Variants in TECPR1 observed in about 807,000 individuals in gnomAD.
The protein encoded by TECPR1 is tectonin beta-propeller repeat containing 1, also known as tectonin beta-propeller repeat-containing protein 1.
TECPR1 carries 122 observed loss-of-function variants against 162.4 expected under a neutral mutation model. The observed-to-expected ratio is 0.75, with a 90% confidence interval of 0.65 to 0.87. The LOEUF (loss-of-function observed/expected upper bound fraction) is 0.87, where lower values mean the gene tolerates loss of function less well. TECPR1 is among the 40% of genes least tolerant of loss of function. TECPR1 has a pLI of 0.00. For synonymous variants in TECPR1, 642 were observed against 670.6 expected, an observed-to-expected ratio of 0.96 and a Z score of 0.66; for missense variants, 1,432 against 1,618.2, an observed-to-expected ratio of 0.88 and a Z score of 1.97.
Position 98,231,277 on chromosome 7 carries a change from G to T in TECPR1, c.2071C>A (p.Gln691Lys). The T allele has an allele frequency of 1.9e-6, 3 of 1,613,092 alleles. No individual in the cohort carries two copies. The highest frequency in any genetic ancestry group is 2.5e-6 in the Non-Finnish European group (3 of 1,179,680). Residue 691 changes from glutamine to lysine, a missense_variant, in exon 14 of 26, where the codon CAG becomes AAG. Gln to Lys is a moderately conservative substitution (Grantham distance 53). Transcript: ENST00000447648. ...GCAGCCAGACGCACCGGCCACCTCTGCCGTGTCCGCTCAGGGGTGTACAGG... is the reference window on the plus strand; with the variant it reads ...GCAGCCAGACGCACCGGCCACCTCTTCCGTGTCCGCTCAGGGGTGTACAGG... Reference protein sequence around the residue: ...FALYTPERTRQRWPVRLAAAT... With the variant: ...FALYTPERTRKRWPVRLAAAT...
At chr7:98,234,728 T>G (rs1798547148) in intron 10 of TECPR1, among the ~76,000 whole-genome samples, 1 of 105,418 alleles carries the variant, frequency 9.5e-6, no homozygotes, top group Non-Finnish European at 2.0e-5. Flanking sequence ...TTTTTTTTTT[T>G]GAGATAGAGT....
Position 98,217,286 on chromosome 7 carries a change from C to T in TECPR1, c.*104G>A, listed in dbSNP as rs1798034492. 2 of 791,262 alleles carry T rather than the reference C, an allele frequency of 2.5e-6. No homozygotes were observed. The highest frequency in any genetic ancestry group is 2.9e-5 in the Admixed American group (1 of 34,406). 49.0% of individuals were successfully genotyped at this position (791,262 alleles called of 1,614,324 possible). Reference sequence around the variant, plus strand: ...GGGGCCAGGTTCCCTCCTGAGTCCACCTGGGCCACATTGCTCCCACGGTGC... The same window carrying T: ...GGGGCCAGGTTCCCTCCTGAGTCCATCTGGGCCACATTGCTCCCACGGTGC... On this transcript the variant is annotated 3_prime_UTR_variant, in exon 26 of 26. Coordinates refer to ENST00000447648, the MANE Select transcript of TECPR1 (RefSeq NM_015395.3).
chr7:98,248,119 T>C (rs572167148), intron 2 of TECPR1, among the ~76,000 whole-genome samples: 2 of 152,308 alleles, frequency 1.3e-5, no homozygotes, highest in South Asian at 4.1e-4. Flanking sequence ...CCAGGGCCCA[T>C]AGTGCTGTTG....
Position 98,231,370 on chromosome 7 carries a change from T to A in TECPR1, c.1978A>T (p.Ile660Phe). 1.2e-6 allele frequency: 2 copies of A among 1,600,126 alleles called. No individual in the cohort carries two copies. Among genetic ancestry groups the A allele is most frequent in the Non-Finnish European group, 1.7e-6 (2 of 1,173,586 alleles). ...ACCACCTCATTCAGGAATATGTGGA[T>A]GTACTGTTCACAGAACAGGCGCCCG... ...YYVVHEEKKY[I>F]HIFLNEVVAL... Residue 660 changes from isoleucine to phenylalanine, a missense_variant, in exon 14 of 26, where the codon ATC becomes TTC. Physicochemically the swap from Ile to Phe is conservative, Grantham distance 21. Coordinates refer to ENST00000447648, the MANE Select transcript of TECPR1 (RefSeq NM_015395.3).
Position 98,233,873 on chromosome 7 carries a change from C to T in TECPR1, c.1220G>A (p.Gly407Asp). ...CFFGDEVRGS[G>D]ESAPSDTDAS... Reference sequence around the variant, plus strand: ...ATCGGTGTCGCTGGGGGCAGACTCGCCACTACCCCTCACCTCATCACCGAA... The same window carrying T: ...ATCGGTGTCGCTGGGGGCAGACTCGTCACTACCCCTCACCTCATCACCGAA... The change falls in exon 11 of 26, where the codon GGC becomes GAC. Residue 407 changes from glycine to aspartate, a missense_variant. Transcript: ENST00000447648. 1.9e-6 allele frequency: 3 copies of T among 1,553,908 alleles called. No individual in the cohort carries two copies. In the South Asian group the frequency reaches 3.5e-5, roughly 18 times the overall value.
chr7:98,246,164 A>G lies in TECPR1; in HGVS notation c.-18T>C. ...TTGGGCATGGCAGCGGCTGGAGGTA[A>G]CCTGCGGCAGGAGGACGAGGGCCAG... On this transcript the variant is annotated splice_region_variant and 5_prime_UTR_variant, in exon 3 of 26. Transcript: ENST00000447648. 6.5e-7 allele frequency: 1 copy of G among 1,534,648 alleles called. No individual in the cohort carries two copies. The highest frequency in any genetic ancestry group is 1.2e-5 in the South Asian group (1 of 83,666).
chr7:98,217,444 G>A lies in TECPR1; in HGVS notation c.3444C>T (p.Ser1148=). The change falls in exon 26 of 26, where the codon TCC becomes TCT. Residue 1148 remains serine, a synonymous_variant. Transcript: ENST00000447648. ...ANATRAPRSS[S]QEQEPSAPPE... ...GTGGGGCACTCGGCTCCTGCTCCTG[G>A]GACGAGCTCCGGGGGGCCCTGGTGG... 1 of 1,610,042 alleles carries A rather than the reference G, an allele frequency of 6.2e-7. No homozygotes were observed. The highest frequency in any genetic ancestry group is 8.5e-7 in the Non-Finnish European group (1 of 1,178,404).
intron 20 of TECPR1, 108 bp from the exon 21 acceptor site, chr7:98,223,278 G>A: frequency 8.6e-7 from 1 of 1,166,986 alleles, no homozygotes; most frequent in South Asian, 1.6e-5. Flanking sequence ...CCCGGGGCGG[G>A]TAGAAAGAGG....
chr7:98,223,210 G>A (rs1460751990), intron 20 of TECPR1, 40 bp from the exon 21 acceptor site: 1 of 1,539,652 alleles, frequency 6.5e-7, no homozygotes, highest in Admixed American at 2.0e-5. Context: ...GGACCCCAAG[G>A]TGACCACCAG....
Position 98,226,711 on chromosome 7 carries a change from G to A in TECPR1, c.2513+1303C>T, listed in dbSNP as rs137886932. ...TCAACACTTTGGGAGGCTGAGGCGGGCTTCGGGAGTTCAGGAGTTGGAGAC... is the reference window on the plus strand; with the variant it reads ...TCAACACTTTGGGAGGCTGAGGCGGACTTCGGGAGTTCAGGAGTTGGAGAC... On this transcript the variant is annotated intron_variant, in intron 17 of 25. Coordinates refer to ENST00000447648, the MANE Select transcript of TECPR1 (RefSeq NM_015395.3). 8.0e-5 allele frequency: 95 copies of A among 1,194,586 alleles called. 1 individual carries two copies. In the African/African-American group the frequency reaches 1.4e-3, roughly 17 times the overall value. The allele number at this position is 1,194,586 out of a possible 1,614,324, so 74.0% of individuals were successfully genotyped here. A position where few individuals can be genotyped will look rare whatever the true frequency, so the allele number is the denominator to read the frequency against.
In TECPR1 at chr7:98,236,831, T is replaced by C. The variant is rs369220455; in HGVS notation, c.1126A>G (p.Ile376Val). ...GACCGGTCACACTCTCGGGCCGCGA[T>C]GATGGCTTTCCAGGTCTTCCCACTG... ...ELSGKTWKAI[I>V]AARECDRSHS... The change falls in exon 10 of 26, where the codon ATC (isoleucine) becomes GTC (valine). Residue 376 changes from isoleucine to valine, a missense_variant. Transcript: ENST00000447648. The C allele has an allele frequency of 7.6e-6, 12 of 1,588,200 alleles. No individual in the cohort carries two copies. Among genetic ancestry groups the C allele is most frequent in the East Asian group, 2.3e-5 (1 of 43,416 alleles).
chr7:98,243,580 C>T lies in TECPR1; in HGVS notation c.544G>A (p.Asp182Asn), dbSNP rs1484864744. 6.2e-7 allele frequency: 1 copy of T among 1,612,268 alleles called. No individual in the cohort carries two copies. The highest frequency in any genetic ancestry group is 8.5e-7 in the Non-Finnish European group (1 of 1,179,590). The change falls in exon 6 of 26, where the codon GAT (aspartate) becomes AAT (asparagine). Residue 182 changes from aspartate to asparagine, a missense_variant. Physicochemically the swap from Asp to Asn is conservative, Grantham distance 23 (BLOSUM62 1). Coordinates refer to ENST00000447648, the MANE Select transcript of TECPR1 (RefSeq NM_015395.3). ...RDIWAKIPSK[D>N]DPKELPDPFN... ...GGGTCGGGCAGCTCCTTGGGGTCATCCTTCGAGGGGATCTGAAGGAAGGAA... is the reference window on the plus strand; with the variant it reads ...GGGTCGGGCAGCTCCTTGGGGTCATTCTTCGAGGGGATCTGAAGGAAGGAA...
rs1348230946 is a variant in TECPR1 at position 98,217,719 on chromosome 7, C to G, written c.3357G>C (p.Lys1119Asn). The part of the protein sequence containing the change: ...HRTGVQPHEP[K>N]GHGWDYGIGG... ...CGATGCCGTAGTCCCAGCCGTGGCC[C>G]TTGGGCTCGTGAGGCTGCACGCCGG... Residue 1119 changes from lysine (K) to asparagine (N), a missense_variant, in exon 25 of 26, where the codon AAG (lysine) becomes AAC (asparagine). Lys to Asn is a moderately conservative substitution (Grantham distance 94). Coordinates refer to ENST00000447648, the MANE Select transcript of TECPR1 (RefSeq NM_015395.3). The G allele has an allele frequency of 6.5e-7, 1 of 1,549,130 alleles. No homozygotes were observed. The highest frequency in any genetic ancestry group is 2.0e-5 in the Admixed American group (1 of 50,954).
At chr7:98,222,198 G>A (rs1288462007) in intron 22 of TECPR1, among the ~76,000 whole-genome samples, 188 bp downstream of exon 22, 1 of 152,210 alleles carries the variant, frequency 6.6e-6, no homozygotes, top group Non-Finnish European at 1.5e-5. Context: ...GGAAGGGCCA[G>A]GCAGGCCTGG....
At chr7:98,224,055 G>C (rs1434850805) in intron 19 of TECPR1, among the ~76,000 whole-genome samples, 1 of 152,084 alleles carries the variant, frequency 6.6e-6, no homozygotes, top group Non-Finnish European at 1.5e-5. Flanking sequence ...AGGCTAAGGG[G>C]ACTCAGCCCT....
chr7:98,233,006 C>G (rs1379821670), intron 11 of TECPR1, 34 bp from the exon 12 acceptor site: 1 of 1,562,840 alleles, frequency 6.4e-7, no homozygotes, highest in Non-Finnish European at 8.7e-7. Flanking sequence ...GGCCGGGGCA[C>G]TGTCCTGCCC....
chr7:98,217,189 G>C lies in TECPR1; in HGVS notation c.*201C>G, dbSNP rs188494392. The C allele has an allele frequency of 1.4e-5, 8 of 572,174 alleles. No individual in the cohort carries two copies. The highest frequency in any genetic ancestry group is 1.1e-4 in the African/African-American group (6 of 52,552). 35.4% of individuals were successfully genotyped at this position (572,174 alleles called of 1,614,324 possible). A position where few individuals can be genotyped will look rare whatever the true frequency, so the allele number is the denominator to read the frequency against. On this transcript the variant is annotated 3_prime_UTR_variant, in exon 26 of 26. Transcript: ENST00000447648. Reference sequence around the variant, plus strand: ...CGGGACTCCTCGCAGACGGGGACACGTGTGGGAGTGTCCGCGGAGCTTCAC... The same window carrying C: ...CGGGACTCCTCGCAGACGGGGACACCTGTGGGAGTGTCCGCGGAGCTTCAC...
chr7:98,233,123 G>T, intron 11 of TECPR1, 151 bp from the exon 12 acceptor site: 1 of 900,678 alleles, frequency 1.1e-6, no homozygotes, highest in Non-Finnish European at 1.6e-6. Context: ...CCTGTTGGAT[G>T]AGTTGCTCTC....
intron 3 of TECPR1, 64 bp downstream of exon 3, chr7:98,245,858 A>G: frequency 6.9e-7 from 1 of 1,438,982 alleles, no homozygotes; most frequent in Non-Finnish European, 9.5e-7. Context: ...TCTGTGGTTC[A>G]TCATTTTAAC....
Sources: gnomAD v4.1 joint callset for allele counts (sites outside exome capture counted in the v4.1 genomes callset) on GRCh38, gnomAD v4.1.1 for gene constraint, MANE v1.5 for transcripts, NCBI Gene and HGNC (gene_info 2026-07-23, HGNC 2026-07-21) for gene names.